The following JMJD1C variants were observed in gnomAD, a reference collection of about 807,000 sequenced individuals.
The protein encoded by JMJD1C is jumonji domain-containing protein 1C.
JMJD1C carries 31 observed loss-of-function variants against 245.3 expected under a neutral mutation model. The ratio of observed to expected loss-of-function variants is 0.13; its 90% confidence interval spans 0.09 to 0.17. The LOEUF (loss-of-function observed/expected upper bound fraction) is 0.17, where lower values mean the gene tolerates loss of function less well. Ranked by LOEUF, JMJD1C falls within the 10% of genes least tolerant of loss-of-function variation. The pLI is 1.00. For synonymous variants in JMJD1C, 1,057 were observed against 1,017.4 expected (o/e 1.04, Z -0.74); for missense variants, 2,691 against 3,000.2 (o/e 0.90, Z 2.41).
upstream of JMJD1C, among the ~76,000 whole-genome samples, chr10:63,468,706 G>A (rs1435267055): frequency 6.6e-6 from 1 of 152,140 alleles, no homozygotes; most frequent in East Asian, 1.9e-4. Flanking sequence ...CATTAAATAT[G>A]CCTATGCACA....
intron 17 of JMJD1C, 74 bp from the exon 18 acceptor site, chr10:63,189,520 A>T (rs1013205488): frequency 3.9e-6 from 5 of 1,270,140 alleles, no homozygotes; most frequent in East Asian, 2.4e-5. Flanking sequence ...CCACAGACTT[A>T]TTTTTTTTTA....
At chr10:63,201,446 T>C (rs533740260) in intron 10 of JMJD1C, among the ~76,000 whole-genome samples, 1 of 152,158 alleles carries the variant, frequency 6.6e-6, no homozygotes, top group Non-Finnish European at 1.5e-5. Context: ...CAGTCTAATA[T>C]GTGAAAAAAA....
chr10:63,208,814 T>C lies in JMJD1C; in HGVS notation c.2868-13A>G. 1.3e-6 allele frequency: 2 copies of C among 1,547,578 alleles called. No individual in the cohort carries two copies. Among genetic ancestry groups the C allele is most frequent in the African/African-American group, 1.4e-5 (1 of 72,300 alleles). On this transcript the variant is annotated splice_polypyrimidine_tract_variant and intron_variant, in intron 9 of 25. Transcript: ENST00000399262. ...TCTTTCTAATTCTCTGTAAAGAAAA[T>C]ACACAAATATTTCTGTAACCACTTT...
intron 3 of JMJD1C, among the ~76,000 whole-genome samples, chr10:63,243,122 T>TAA (rs1020430493): frequency 3.4e-5 from 3 of 87,224 alleles, no homozygotes; most frequent in African/African-American, 8.5e-5. Flanking sequence ...TATATATATA[T>TAA]ATAAATATAT....
rs1315754530 is a variant in JMJD1C, at chr10:63,180,218, G to T, written c.7085-2362C>A. Among the ~76,000 whole-genome samples the T allele has an allele frequency of 2.0e-5, 3 of 152,052 alleles. No individual in the cohort carries two copies. The East Asian group carries it at 5.8e-4, about 29-fold the overall frequency. On this transcript the variant is annotated intron_variant, in intron 22 of 25. Transcript: ENST00000399262. ...ACAGATGGGGTTTCACTATATGTTG[G>T]CCAGGCTGGTCTCGAACTCCTGACA...
chr10:63,319,167 G>A (rs967458036), intron 2 of JMJD1C, among the ~76,000 whole-genome samples: 9 of 148,468 alleles, frequency 6.1e-5, no homozygotes, highest in Admixed American at 5.6e-4. Flanking sequence ...TGAGGCAGGA[G>A]AATGGCGTGA....
At position 63,335,173 on chromosome 10, in the gene JMJD1C, T is replaced by A. The variant is rs555157202; in HGVS notation, c.333+45145A>T. Among the ~76,000 whole-genome samples the A allele has an allele frequency of 7.2e-4, 109 of 152,230 alleles. 4 individuals carry two copies. The South Asian group carries it at 0.021, about 30-fold the overall frequency. ...GACAAAGTGCCTCTGAATGTTGCTA[T>A]CAGAGATTGTTGTTCCAGGTCAGAC... On this transcript the variant is annotated intron_variant, in intron 2 of 25. Transcript: ENST00000399262.
chr10:63,386,220 C>T (rs1004172960), intron 1 of JMJD1C, among the ~76,000 whole-genome samples: 1 of 152,118 alleles, frequency 6.6e-6, no homozygotes, highest in Non-Finnish European at 1.5e-5. Flanking sequence ...TTTTCATATG[C>T]CCTAAATACA....
intron 3 of JMJD1C, among the ~76,000 whole-genome samples, chr10:63,250,891 G>T (rs1162092497): frequency 6.6e-6 from 1 of 152,034 alleles, no homozygotes; most frequent in African/African-American, 2.4e-5. Context: ...CAGGTGCATG[G>T]CACCACATGT....
intron 2 of JMJD1C, among the ~76,000 whole-genome samples, chr10:63,355,409 T>C (rs1032706900): frequency 6.6e-6 from 1 of 152,234 alleles, no homozygotes; most frequent in East Asian, 1.9e-4. Flanking sequence ...TGTGCAGTTC[T>C]ATGCAATTTT....
In JMJD1C at chr10:63,200,535, A is replaced by G. The variant is rs1845898642; in HGVS notation, c.5217T>C (p.Ser1739=). The stretch of plus-strand genomic sequence containing the variant: ...AGTGAGCTGGTTCTTCTCCTTTTTT[A>G]CTGCGAATAAGTCTACATTCTCGAC... ...QKCRECRLIR[S]KKGEEPAHSP... The change falls in exon 11 of 26, where the codon AGT becomes AGC. Residue 1739 remains serine (S), a synonymous_variant. Coordinates refer to ENST00000399262, the MANE Select transcript of JMJD1C (RefSeq NM_032776.3). 1.2e-6 allele frequency: 2 copies of G among 1,613,962 alleles called. No individual in the cohort carries two copies. Among genetic ancestry groups the G allele is most frequent in the Non-Finnish European group, 1.7e-6 (2 of 1,179,908 alleles).
At chr10:63,289,419 A>T (rs1280112487) in intron 2 of JMJD1C, among the ~76,000 whole-genome samples, 1 of 152,222 alleles carries the variant, frequency 6.6e-6, no homozygotes, top group African/African-American at 2.4e-5. Flanking sequence ...TGAATGAAAT[A>T]AAAAAATGTA....
chr10:63,496,024 G>C (rs888985494), intron 1 of JMJD1C, among the ~76,000 whole-genome samples: 18 of 147,632 alleles, frequency 1.2e-4, no homozygotes, highest in African/African-American at 4.0e-4. Context: ...TCACTTGTGA[G>C]GCAATTGCAC....
At chr10:63,514,943 CTAAG>C (rs1954973619) in intron 1 of JMJD1C, among the ~76,000 whole-genome samples, 2 of 149,198 alleles carry the variant, frequency 1.3e-5, no homozygotes, top group Admixed American at 7.0e-5. Flanking sequence ...CATAATAATA[CTAAG>C]TATTTTTTTT....
intron 1 of JMJD1C, among the ~76,000 whole-genome samples, chr10:63,444,463 C>T (rs553419078): frequency 2.0e-4 from 31 of 151,774 alleles, no homozygotes; most frequent in Admixed American, 1.2e-3. Flanking sequence ...TAGTAGAGAC[C>T]GGGTTTCACC....
At chr10:63,514,548 G>T (rs1306408066) in intron 1 of JMJD1C, among the ~76,000 whole-genome samples, 1 of 152,126 alleles carries the variant, frequency 6.6e-6, no homozygotes, top group African/African-American at 2.4e-5. Flanking sequence ...AATACTGCAT[G>T]CCCTAACTTA....
intron 2 of JMJD1C, among the ~76,000 whole-genome samples, chr10:63,331,487 C>A (rs1237220948): frequency 1.3e-5 from 2 of 152,036 alleles, no homozygotes; most frequent in African/African-American, 4.8e-5. Context: ...TTTTAACTTG[C>A]GATCCAAAGA....
At chr10:63,514,766 A>G (rs1440591172) in intron 1 of JMJD1C, among the ~76,000 whole-genome samples, 1 of 152,160 alleles carries the variant, frequency 6.6e-6, no homozygotes, top group East Asian at 1.9e-4. Flanking sequence ...GTACCCCAGA[A>G]TCTAAAATAA....
intron 1 of JMJD1C, among the ~76,000 whole-genome samples, chr10:63,479,346 G>T (rs1463715561): frequency 1.3e-5 from 2 of 148,486 alleles, no homozygotes; most frequent in Non-Finnish European, 3.0e-5. Flanking sequence ...GAATAGTAAA[G>T]AAAGTATCAT....
Sources: gnomAD v4.1 joint callset for allele counts (sites outside exome capture counted in the v4.1 genomes callset) on GRCh38, gnomAD v4.1.1 for gene constraint, MANE v1.5 for transcripts, NCBI Gene and HGNC (gene_info 2026-07-23, HGNC 2026-07-21) for gene names.